Variants in OOEP observed in about 807,000 individuals in gnomAD.
The protein encoded by OOEP is oocyte-expressed protein homolog.
A neutral mutation model predicts 13.7 loss-of-function variants in OOEP; 16 were observed. That is an observed-to-expected ratio of 1.16 (90% CI 0.79 to 1.77). OOEP has a LOEUF of 1.77. Among genes scored for constraint, OOEP ranks in the 40% most tolerant of loss-of-function variants. The pLI is 0.00. For synonymous variants in OOEP, 89 were observed against 77.1 expected, an observed-to-expected ratio of 1.15 and a Z score of -0.81; for missense variants, 195 against 193.1, an observed-to-expected ratio of 1.01 and a Z score of -0.06.
chr6:73,378,950 A>G (rs1282968815), intron 2 of OOEP, among the ~76,000 whole-genome samples: 1 of 152,152 alleles, frequency 6.6e-6, no homozygotes, highest in Non-Finnish European at 1.5e-5. Context: ...TATATTAGAA[A>G]TTCAAACTTT....
upstream of OOEP, chr6:73,373,075 C>T: frequency 6.5e-7 from 1 of 1,534,024 alleles, no homozygotes; most frequent in Non-Finnish European, 9.0e-7. Flanking sequence ...CTTCAGACAG[C>T]ATAAATATGT....
At chr6:73,395,000 CGGA>C (rs761008860) in exon 1 of OOEP, 12 of 1,614,096 alleles carry the variant, frequency 7.4e-6, no homozygotes, top group Non-Finnish European at 1.0e-5. Flanking sequence ...AGGAGGCCGG[CGGA>C]GGAGTTGAAT....
intron 2 of OOEP, among the ~76,000 whole-genome samples, chr6:73,381,205 T>TAAAAAAAAAAAAAAAAAAAAAAA (rs66507015): frequency 9.9e-6 from 1 of 100,972 alleles, no homozygotes; most frequent in African/African-American, 4.2e-5. Flanking sequence ...AAAAAAGTGT[T>TAAAAAAAAAAAAAAAAAAAAAAA]AAAAAAAAAA....
chr6:73,388,151 A>T (rs1008239691), intron 2 of OOEP, among the ~76,000 whole-genome samples: 1 of 152,356 alleles, frequency 6.6e-6, no homozygotes, highest in Admixed American at 6.5e-5. Flanking sequence ...TGCTGGGATT[A>T]CAGGCGTGAG....
chr6:73,374,924 C>A (rs1769114587), intron 2 of OOEP, among the ~76,000 whole-genome samples: 1 of 152,194 alleles, frequency 6.6e-6, no homozygotes, highest in South Asian at 2.1e-4. Context: ...CTCCCAGGTT[C>A]AAGCTATTCT....
At chr6:73,379,689 C>T (rs1363655039) in intron 2 of OOEP, among the ~76,000 whole-genome samples, 1 of 144,710 alleles carries the variant, frequency 6.9e-6, no homozygotes, top group Non-Finnish European at 1.5e-5. Context: ...GTTTGTAAAT[C>T]TGTTTAATGT....
intron 2 of OOEP, among the ~76,000 whole-genome samples, chr6:73,379,657 A>AAAG (rs573727766): frequency 0.13 from 14,120 of 110,706 alleles, 1,813 homozygotes; most frequent in Middle Eastern, 0.26. Context: ...AAAAAAAAAA[A>AAAG]AAAAGTGGCC....
chr6:73,394,300 C>A (rs1023673136), intron 2 of OOEP: 3 of 713,746 alleles, frequency 4.2e-6, no homozygotes, highest in Non-Finnish European at 7.8e-6. Context: ...TCTGTTGTTT[C>A]AAGTTTTTTA....
chr6:73,371,162 AG>A (rs890619613), upstream of OOEP, among the ~76,000 whole-genome samples: 3 of 152,200 alleles, frequency 2.0e-5, no homozygotes, highest in African/African-American at 7.2e-5. Flanking sequence ...ATGATCATCT[AG>A]GACTGTGTGG....
intron 2 of OOEP, among the ~76,000 whole-genome samples, chr6:73,390,104 G>A (rs752012986): frequency 1.3e-4 from 20 of 152,044 alleles, no homozygotes; most frequent in Non-Finnish European, 2.5e-4. Context: ...ACTTGAATCC[G>A]GGAGGCAGAG....
intron 2 of OOEP, among the ~76,000 whole-genome samples, chr6:73,378,246 G>T (rs1035997297): frequency 6.6e-6 from 1 of 152,008 alleles, no homozygotes; most frequent in Non-Finnish European, 1.5e-5. Flanking sequence ...GGGATGACAG[G>T]TGTGTGCACC....
chr6:73,394,940 C>T, exon 1 of OOEP: 55 of 1,614,226 alleles, frequency 3.4e-5, no homozygotes, highest in Non-Finnish European at 4.7e-5. Flanking sequence ...AAGGCCTCTA[C>T]GTGGGTCGTT....
chr6:73,384,123 AAATG>A (rs1247165986), intron 2 of OOEP, among the ~76,000 whole-genome samples: 1 of 152,132 alleles, frequency 6.6e-6, no homozygotes, highest in African/African-American at 2.4e-5. Flanking sequence ...TAAAAATAAA[AAATG>A]AATGAATGGA....
intron 2 of OOEP, chr6:73,387,525 TAAAATA>T (rs1253106165): frequency 6.6e-6 from 1 of 151,784 alleles, no homozygotes; most frequent in Non-Finnish European, 1.5e-5. Context: ...AAAAACAAAA[TAAAATA>T]ATATAAAAAT....
At chr6:73,374,435 A>G (rs1250384357), upstream of OOEP, among the ~76,000 whole-genome samples, 1 of 152,110 alleles carries the variant, frequency 6.6e-6, no homozygotes, top group Non-Finnish European at 1.5e-5. Context: ...GCCAATCCCA[A>G]TCCTACCAGC....
chr6:73,390,390 C>G (rs1769330706), intron 2 of OOEP, among the ~76,000 whole-genome samples: 1 of 152,088 alleles, frequency 6.6e-6, no homozygotes, highest in Admixed American at 6.6e-5. Context: ...TACTTAATAC[C>G]AGGGTTGCTC....
rs780339648 is a variant in OOEP, at chr6:73,369,376, C to A, written c.200G>T (p.Arg67Leu). The change falls in exon 2 of 3, where the codon CGA becomes CTA. Residue 67 changes from arginine to leucine, a missense_variant. Transcript: ENST00000370359. ...CCACTCCATTTCTGGAATTATGGCT[C>A]GGTCTGGGCCTAAACAAGTAAGGAA... is the stretch of plus-strand genomic sequence containing the variant. ...WLADELFGPD[R>L]AIIPEMEWTS... 1.9e-6 allele frequency: 3 copies of A among 1,611,346 alleles called. No individual in the cohort carries two copies. The highest frequency in any genetic ancestry group is 2.5e-6 in the Non-Finnish European group (3 of 1,178,874).
chr6:73,371,518 G>A (rs186470057), upstream of OOEP, among the ~76,000 whole-genome samples: 3 of 152,220 alleles, frequency 2.0e-5, no homozygotes, highest in East Asian at 3.9e-4. Flanking sequence ...GGAGGCTGAG[G>A]CGGGCAGATC....
upstream of OOEP, among the ~76,000 whole-genome samples, chr6:73,374,520 T>A (rs1416772118): frequency 6.6e-6 from 1 of 152,204 alleles, no homozygotes; most frequent in Admixed American, 6.5e-5. Flanking sequence ...GAAATTGTAG[T>A]CAAACACATA....
Sources: allele counts gnomAD v4.1 joint callset (sites outside exome capture counted in the v4.1 genomes callset), GRCh38; gene constraint gnomAD v4.1.1; transcripts MANE v1.5; gene names NCBI Gene and HGNC (gene_info 2026-07-23, HGNC 2026-07-21).